Variants in MAL observed in about 807,000 individuals in gnomAD.
The protein encoded by MAL is mal, T cell differentiation protein (MAL blood group), also known as myelin and lymphocyte protein.
Under a neutral mutation model 16.7 loss-of-function variants are expected in MAL, and 5 were observed. The observed-to-expected ratio is 0.30, with a 90% CI of 0.16 to 0.63. The LOEUF (loss-of-function observed/expected upper bound fraction) is 0.63, where lower values mean the gene tolerates loss of function less well. Ranked by LOEUF, MAL falls within the 30% of genes least tolerant of loss-of-function variation. The pLI is 0.82. For missense variants in MAL, 202 were observed against 195.8 expected (o/e 1.03, Z -0.19); for synonymous variants, 96 against 85.5 (o/e 1.12, Z -0.67).
intron 1 of MAL, among the ~76,000 whole-genome samples, chr2:95,032,298 C>T (rs1674103959): frequency 6.6e-6 from 1 of 152,256 alleles, no homozygotes. Context: ...TTAGCAGTGG[C>T]TTGGCTTTGT....
chr2:95,039,364 CTGAG>C (rs1443736970), intron 1 of MAL, among the ~76,000 whole-genome samples: 33 of 75,878 alleles, frequency 4.3e-4, no homozygotes, highest in East Asian at 3.9e-3. Context: ...GACTGACTGA[CTGAG>C]TAACTGAGTG....
Position 95,025,883 on chromosome 2 carries a change from T to G in MAL, c.91T>G (p.Phe31Val). The G allele has an allele frequency of 3.2e-6, 5 of 1,560,776 alleles. No homozygotes were observed. Among genetic ancestry groups the G allele is most frequent in the Non-Finnish European group, 4.3e-6 (5 of 1,153,398 alleles). Residue 31 changes from phenylalanine (F) to valine (V), a missense_variant and splice_region_variant, in exon 1 of 4, where the codon TTT becomes GTT. Coordinates refer to ENST00000309988, the MANE Select transcript of MAL (RefSeq NM_002371.4). The surrounding 1 kb of genome is among the most constrained non-coding windows in gnomAD (Gnocchi z 5.6). Reference sequence around the variant, plus strand: ...GCCCGACTTGCTCTTCATCTTTGAGTTTGTGAGTGGCTCCTGGCCGGGGAA... The same window carrying G: ...GCCCGACTTGCTCTTCATCTTTGAGGTTGTGAGTGGCTCCTGGCCGGGGAA... ...TLPDLLFIFE[F>V]IFGGLVWILV... is the part of the protein sequence containing the mutation.
chr2:95,028,698 A>G (rs1021394983), intron 1 of MAL, among the ~76,000 whole-genome samples: 21 of 152,366 alleles, frequency 1.4e-4, no homozygotes, highest in Non-Finnish European at 2.6e-4. Flanking sequence ...GACATATCCA[A>G]ACAATGGATA....
chr2:95,045,262 A>G (rs1419475852), intron 1 of MAL, among the ~76,000 whole-genome samples: 2 of 152,192 alleles, frequency 1.3e-5, no homozygotes, highest in Non-Finnish European at 2.9e-5. Flanking sequence ...GGTCACCCGT[A>G]AGCGCCTCTG....
intron 1 of MAL, among the ~76,000 whole-genome samples, chr2:95,041,247 G>A (rs1427472478): frequency 6.6e-6 from 1 of 152,198 alleles, no homozygotes; most frequent in African/African-American, 2.4e-5. Flanking sequence ...TCCCGTCCTT[G>A]ATGACCAGGC....
At chr2:95,048,843 G>T (rs1409330072) in intron 2 of MAL, among the ~76,000 whole-genome samples, 1 of 152,142 alleles carries the variant, frequency 6.6e-6, no homozygotes, top group Non-Finnish European at 1.5e-5. Context: ...TGAGTTGGGG[G>T]TCTCATTCTG....
intron 3 of MAL, among the ~76,000 whole-genome samples, 175 bp downstream of exon 3, chr2:95,049,881 G>A (rs1429334161): frequency 6.6e-6 from 1 of 152,082 alleles, no homozygotes; most frequent in Non-Finnish European, 1.5e-5. Context: ...GTGTCATGTT[G>A]TGCCCAAGAC....
At chr2:95,038,744 G>GTGAC (rs767357229) in intron 1 of MAL, among the ~76,000 whole-genome samples, 3 of 151,822 alleles carry the variant, frequency 2.0e-5, no homozygotes, top group Non-Finnish European at 4.4e-5. Flanking sequence ...GAGTGAGTAA[G>GTGAC]TGACTGACTG....
chr2:95,043,322 G>A (rs1674512219), intron 1 of MAL, among the ~76,000 whole-genome samples: 1 of 152,244 alleles, frequency 6.6e-6, no homozygotes, highest in South Asian at 2.1e-4. Context: ...CTGCATGAAC[G>A]ACAACTTATT....
At chr2:95,048,168 A>G in intron 2 of MAL, 42 bp downstream of exon 2, 1 of 1,555,116 alleles carries the variant, frequency 6.4e-7, no homozygotes, top group South Asian at 1.1e-5. Context: ...AGGGGGGCGC[A>G]GGAAGTACTG....
At position 95,031,963 on chromosome 2, in the gene MAL, AAGTGTGATGATGGGGCTC is replaced by A. The variant is rs569709901; in HGVS notation, c.93+6080_93+6097del. Among the ~76,000 whole-genome samples, 99 of 152,334 alleles carry A rather than the reference AAGTGTGATGATGGGGCTC, an allele frequency of 6.5e-4. 1 individual carries two copies. The highest frequency in any genetic ancestry group is 2.2e-3 in the African/African-American group (90 of 41,580). ...TTTGAGCTGCTCCCTGGAAACTGCT[AAGTGTGATGATGGGGCTC>A]ATCTCCACAGGATTGTCAGACATGT... On this transcript the variant is annotated intron_variant, in intron 1 of 3. Coordinates refer to ENST00000309988, the MANE Select transcript of MAL (RefSeq NM_002371.4).
chr2:95,030,165 C>T (rs2104328564), intron 1 of MAL, among the ~76,000 whole-genome samples: 1 of 152,290 alleles, frequency 6.6e-6, no homozygotes, highest in Non-Finnish European at 1.5e-5. Flanking sequence ...CACCCCTATC[C>T]CAGACCTCCT....
chr2:95,044,023 C>G (rs1427434849), intron 1 of MAL, among the ~76,000 whole-genome samples: 1 of 152,216 alleles, frequency 6.6e-6, no homozygotes, highest in Non-Finnish European at 1.5e-5. Context: ...GGACATGAGA[C>G]ACACTCACCC....
At chr2:95,053,234 G>A (rs1234964746) in intron 3 of MAL, 147 bp from the exon 4 acceptor site, 1 of 688,098 alleles carries the variant, frequency 1.5e-6, no homozygotes, top group Non-Finnish European at 2.6e-6. Flanking sequence ...TCAGCAGGGA[G>A]GGCGTCCATG....
intron 1 of MAL, among the ~76,000 whole-genome samples, chr2:95,038,805 TGACC>T (rs1261867539): frequency 1.3e-5 from 2 of 150,518 alleles, no homozygotes; most frequent in East Asian, 2.0e-4. Flanking sequence ...ACTGAGTGAG[TGACC>T]GAGTGACTGA....
chr2:95,042,168 C>T lies in MAL; in HGVS notation c.94-5791C>T, dbSNP rs200555575. Among the ~76,000 whole-genome samples, 30 of 152,330 alleles carry T rather than the reference C, an allele frequency of 2.0e-4. No individual in the cohort carries two copies. In the East Asian group the frequency reaches 5.4e-3, roughly 27 times the overall value. ...GAAAGGAGAGGAAACACTAGGGCGA[C>T]ATTTTGCACTGAGAGGCTGGGCAGG... On this transcript the variant is annotated intron_variant, in intron 1 of 3. Coordinates refer to ENST00000309988, the MANE Select transcript of MAL (RefSeq NM_002371.4).
intron 1 of MAL, chr2:95,044,409 T>C (rs1674538046): frequency 6.6e-6 from 1 of 152,252 alleles, no homozygotes; most frequent in African/African-American, 2.4e-5. Flanking sequence ...CTGTGAATTA[T>C]AGCTCATAAA....
rs75350514 is a variant in MAL, at chr2:95,041,991, G to C, written c.94-5968G>C. ...TCCAGCTCTGTCATACCAGGGTTGG[G>C]AGGGGCCTCCAAACGCCCATGCACC... On this transcript the variant is annotated intron_variant, in intron 1 of 3. Transcript: ENST00000309988. Among the ~76,000 whole-genome samples the C allele has an allele frequency of 7.9e-5, 12 of 152,274 alleles. No individual in the cohort carries two copies. The East Asian group carries it at 2.3e-3, about 29-fold the overall frequency.
intron 1 of MAL, among the ~76,000 whole-genome samples, chr2:95,036,750 CGAGT>C (rs1558657649): frequency 3.8e-5 from 4 of 104,050 alleles, no homozygotes; most frequent in Non-Finnish European, 8.1e-5. Flanking sequence ...AGTGAGTGAC[CGAGT>C]GAGTGACTGA....
Sources: allele counts gnomAD v4.1 joint callset (sites outside exome capture counted in the v4.1 genomes callset), GRCh38; gene constraint gnomAD v4.1.1; non-coding constraint Gnocchi (gnomAD v3.1); transcripts MANE v1.5; gene names NCBI Gene and HGNC (gene_info 2026-07-23, HGNC 2026-07-21).